Variants in UBE4A observed in about 807,000 individuals in gnomAD.
UBE4A encodes ubiquitin conjugation factor E4 A.
In UBE4A, 48 loss-of-function variants were observed where a neutral mutation model predicts 117.9. The ratio of observed to expected loss-of-function variants is 0.41; its 90% CI spans 0.32 to 0.52. UBE4A has a LOEUF of 0.52. Among genes scored for constraint, UBE4A ranks in the 20% least tolerant of loss-of-function variants. The pLI is 0.33. For missense variants in UBE4A, 1,067 were observed against 1,296.3 expected, an observed-to-expected ratio of 0.82 and a Z score of 2.72; for synonymous variants, 407 against 450.0, an observed-to-expected ratio of 0.90 and a Z score of 1.21.
intron 18 of UBE4A, among the ~76,000 whole-genome samples, chr11:118,391,911 C>T (rs1313649695): frequency 6.6e-6 from 1 of 150,776 alleles, no homozygotes; most frequent in Non-Finnish European, 1.5e-5. Flanking sequence ...ATTTTAAAAG[C>T]TAGGGTGTTA....
At chr11:118,370,622 TAA>T (rs142959441) in intron 4 of UBE4A, among the ~76,000 whole-genome samples, 20 of 138,660 alleles carry the variant, frequency 1.4e-4, no homozygotes, top group Admixed American at 1.5e-4. Flanking sequence ...AAGACCCATC[TAA>T]AAAAAAAAAA....
chr11:118,392,080 T>G (rs1373865496), intron 18 of UBE4A, among the ~76,000 whole-genome samples: 1 of 152,192 alleles, frequency 6.6e-6, no homozygotes, highest in East Asian at 1.9e-4. Context: ...CTAAATCCCT[T>G]TGGTTAGAGT....
intron 10 of UBE4A, chr11:118,378,677 A>G (rs1358206627): frequency 1.3e-5 from 2 of 152,260 alleles, no homozygotes; most frequent in East Asian, 3.8e-4. Flanking sequence ...CATCATAGAC[A>G]TTTTAAATAA....
intron 19 of UBE4A, among the ~76,000 whole-genome samples, chr11:118,395,626 A>G (rs1288792210): frequency 1.3e-5 from 2 of 152,258 alleles, no homozygotes; most frequent in Non-Finnish European, 2.9e-5. Flanking sequence ...ATACTGTTCT[A>G]AGAATCTGTC....
rs762150743 is a variant in UBE4A, at chr11:118,369,559, T to C, written c.408+24T>C. The C allele has an allele frequency of 3.4e-5, 54 of 1,591,888 alleles. No individual in the cohort carries two copies. The Middle Eastern group carries it at 5.0e-4, about 15-fold the overall frequency. On this transcript the variant is annotated intron_variant, in intron 4 of 19. Transcript: ENST00000252108. ...AGGTAATATTCTTACGTTCCTAATG[T>C]GTGCCCTTAGCAAAAATTAGCTATG...
rs187957515 is a variant in UBE4A, at chr11:118,383,047, G to T, written c.2197+271G>T. ...CATATGAAGACATGACTGCCCAAAA[G>T]ATCAGTTTGTCCATGTCATAACAAA... On this transcript the variant is annotated intron_variant, in intron 13 of 19. Coordinates refer to ENST00000252108, the MANE Select transcript of UBE4A (RefSeq NM_001204077.2). 1.5e-3 allele frequency among the ~76,000 whole-genome samples: 222 copies of T among 151,504 alleles called. 2 individuals are homozygous for T. Among genetic ancestry groups the T allele is most frequent in the African/African-American group, 4.8e-3 (198 of 41,288 alleles).
chr11:118,392,636 C>A, intron 18 of UBE4A, 102 bp from the exon 19 acceptor site: 1 of 1,141,468 alleles, frequency 8.8e-7, no homozygotes, highest in Non-Finnish European at 1.2e-6. Flanking sequence ...TTATTAATGA[C>A]CTGTTTTTTT....
intron 12 of UBE4A, 71 bp downstream of exon 12, chr11:118,381,594 A>G: frequency 1.3e-6 from 2 of 1,566,160 alleles, no homozygotes; most frequent in Non-Finnish European, 1.7e-6. Context: ...TAAACCAAGA[A>G]ATAAACAAGC....
At chr11:118,365,347 G>A in intron 2 of UBE4A, 146 bp downstream of exon 2, 2 of 1,250,026 alleles carry the variant, frequency 1.6e-6, no homozygotes, top group East Asian at 2.7e-5. Context: ...GCAGAAATTG[G>A]GGTTTTTTGT....
At chr11:118,371,110 A>G (rs1332324903) in intron 4 of UBE4A, among the ~76,000 whole-genome samples, 2 of 152,264 alleles carry the variant, frequency 1.3e-5, no homozygotes, top group Admixed American at 1.3e-4. Flanking sequence ...ACATTAAAAG[A>G]ATAAAAGTTT....
chr11:118,367,703 T>C (rs1224138628), intron 2 of UBE4A, among the ~76,000 whole-genome samples: 3 of 151,882 alleles, frequency 2.0e-5, no homozygotes, highest in African/African-American at 7.3e-5. Context: ...TTTCACCATG[T>C]TAGCCAGGAT....
At chr11:118,385,040 C>A in intron 15 of UBE4A, 95 bp downstream of exon 15, 1 of 1,101,206 alleles carries the variant, frequency 9.1e-7, no homozygotes, top group Non-Finnish European at 1.3e-6. Context: ...ATAGAGCAGT[C>A]CTTATGCCCC....
chr11:118,385,086 G>A (rs1948744210), intron 15 of UBE4A, 141 bp downstream of exon 15: 1 of 681,478 alleles, frequency 1.5e-6, no homozygotes, highest in Non-Finnish European at 2.4e-6. Context: ...TTTGTGATTA[G>A]TAGTGTACCA....
rs554575234 is a variant in UBE4A at position 118,383,664 on chromosome 11, A to G, written c.2197+888A>G. 2.0e-5 allele frequency among the ~76,000 whole-genome samples: 3 copies of G among 151,734 alleles called. No individual in the cohort carries two copies. In the South Asian group the frequency reaches 6.3e-4, roughly 32 times the overall value. On this transcript the variant is annotated intron_variant, in intron 13 of 19. Transcript: ENST00000252108. ...TAACCCTGAGCCCCTGTGTTTGTTT[A>G]AACAGTACCCTGTCTCAATCAGTAA...
intron 9 of UBE4A, among the ~76,000 whole-genome samples, chr11:118,375,575 A>G (rs1555125263): frequency 1.3e-5 from 2 of 151,644 alleles, no homozygotes; most frequent in African/African-American, 2.4e-5. Context: ...TGGCCAGGAT[A>G]GTCTCGATCT....
At chr11:118,371,213 T>C (rs1200065684) in intron 4 of UBE4A, among the ~76,000 whole-genome samples, 1 of 152,200 alleles carries the variant, frequency 6.6e-6, no homozygotes, top group African/African-American at 2.4e-5. Flanking sequence ...CACAGAATAG[T>C]AGATTTCACA....
intron 4 of UBE4A, among the ~76,000 whole-genome samples, chr11:118,369,836 G>C (rs1295655330): frequency 6.6e-6 from 1 of 152,090 alleles, no homozygotes; most frequent in Non-Finnish European, 1.5e-5. Flanking sequence ...ACTCACGCCT[G>C]TAATCCCAGC....
chr11:118,390,855 A>G, intron 18 of UBE4A, 51 bp downstream of exon 18: 9 of 1,594,840 alleles, frequency 5.6e-6, no homozygotes, highest in East Asian at 2.3e-5. Context: ...CCACGTTGTC[A>G]GCCAGGCATG....
intron 19 of UBE4A, among the ~76,000 whole-genome samples, chr11:118,394,169 T>G (rs1397461256): frequency 2.6e-5 from 4 of 151,998 alleles, no homozygotes; most frequent in Non-Finnish European, 1.5e-5. Flanking sequence ...ATTTATCTAT[T>G]TTTTTGAGAC....
Sources: gnomAD v4.1 joint callset for allele counts (sites outside exome capture counted in the v4.1 genomes callset) on GRCh38, gnomAD v4.1.1 for gene constraint, MANE v1.5 for transcripts, NCBI Gene and HGNC (gene_info 2026-07-23, HGNC 2026-07-21) for gene names.